Variants in MACROD2 observed in about 807,000 individuals in gnomAD.
The protein encoded by MACROD2 is mono-ADP ribosylhydrolase 2, also known as ADP-ribose glycohydrolase MACROD2.
A neutral mutation model predicts 70.4 loss-of-function variants in MACROD2; 36 were observed. That is an observed-to-expected ratio of 0.51 (90% CI 0.39 to 0.68). MACROD2 has a LOEUF of 0.68. MACROD2 is among the 30% of genes least tolerant of loss of function. The pLI is 0.00. For missense variants in MACROD2, 496 were observed against 538.4 expected, an observed-to-expected ratio of 0.92 and a Z score of 0.78; for synonymous variants, 172 against 178.8, an observed-to-expected ratio of 0.96 and a Z score of 0.30.
At chr20:14,816,431 A>C (rs1208571540) in intron 5 of MACROD2, among the ~76,000 whole-genome samples, 1 of 152,072 alleles carries the variant, frequency 6.6e-6, no homozygotes, top group Non-Finnish European at 1.5e-5. Flanking sequence ...TGAAGGTATC[A>C]GCATTAAAGA....
At chr20:14,868,154 C>T (rs1269822070) in intron 5 of MACROD2, among the ~76,000 whole-genome samples, 1 of 151,694 alleles carries the variant, frequency 6.6e-6, no homozygotes, top group Non-Finnish European at 1.5e-5. Flanking sequence ...TGAGAGGGTT[C>T]CATCTCTCTC....
chr20:14,013,356 T>G (rs2052940814), intron 2 of MACROD2, among the ~76,000 whole-genome samples: 1 of 150,078 alleles, frequency 6.7e-6, no homozygotes, highest in Admixed American at 6.7e-5. Context: ...CACTGCAAGC[T>G]CCGCCTCCCA....
chr20:14,296,718 T>C (rs2082430468), intron 3 of MACROD2, among the ~76,000 whole-genome samples: 1 of 152,014 alleles, frequency 6.6e-6, no homozygotes, highest in Non-Finnish European at 1.5e-5. Flanking sequence ...TACAAAGCAG[T>C]GTGTGCTGCA....
chr20:15,769,468 A>T (rs1009376511), intron 8 of MACROD2, among the ~76,000 whole-genome samples: 1 of 152,204 alleles, frequency 6.6e-6, no homozygotes, highest in Non-Finnish European at 1.5e-5. Context: ...TTTATTATTA[A>T]CTATTATGTA....
At chr20:16,026,722 T>A (rs924768798) in intron 15 of MACROD2, among the ~76,000 whole-genome samples, 2 of 151,774 alleles carry the variant, frequency 1.3e-5, no homozygotes, top group Non-Finnish European at 2.9e-5. Context: ...AGTCAAGGAG[T>A]TTTTTTTATT....
At chr20:15,815,710 C>T (rs1175187936) in intron 8 of MACROD2, among the ~76,000 whole-genome samples, 1 of 152,048 alleles carries the variant, frequency 6.6e-6, no homozygotes, top group African/African-American at 2.4e-5. Flanking sequence ...ATTATCTCCT[C>T]AATTATCTTT....
intron 6 of MACROD2, among the ~76,000 whole-genome samples, chr20:15,361,997 C>A (rs1353688936): frequency 6.8e-6 from 1 of 147,274 alleles, no homozygotes; most frequent in Non-Finnish European, 1.5e-5. Context: ...TAAGGACAGT[C>A]TTATTTCTTC....
At chr20:14,538,496 G>A (rs2085393455) in intron 4 of MACROD2, among the ~76,000 whole-genome samples, 1 of 152,158 alleles carries the variant, frequency 6.6e-6, no homozygotes, top group African/African-American at 2.4e-5. Context: ...ACTCTCTAAT[G>A]AGTCCTACTG....
intron 6 of MACROD2, among the ~76,000 whole-genome samples, chr20:15,236,515 T>C (rs2077015195): frequency 6.6e-6 from 1 of 152,222 alleles, no homozygotes; most frequent in Admixed American, 6.5e-5. Context: ...AACTCCCACT[T>C]GGTGCCAGGC....
rs386393390 is a variant in MACROD2, at chr20:15,050,533, C to CTTTTTTTTTTTTTTTT, written c.419-179396_419-179381dup. Among the ~76,000 whole-genome samples the CTTTTTTTTTTTTTTTT allele has an allele frequency of 1.7e-4, 13 of 77,876 alleles. 3 individuals are homozygous for CTTTTTTTTTTTTTTTT. Among genetic ancestry groups the CTTTTTTTTTTTTTTTT allele is most frequent in the African/African-American group, 5.6e-4 (9 of 16,020 alleles). 51.1% of individuals were successfully genotyped at this position (77,876 alleles called of 152,430 possible). A position where few individuals can be genotyped will look rare whatever the true frequency, so the allele number is the denominator to read the frequency against. On this transcript the variant is annotated intron_variant, in intron 5 of 17. Coordinates refer to ENST00000684519, the MANE Select transcript of MACROD2 (RefSeq NM_001351661.2). ...GTCTTTTTACACTTTCTATTTAGGTCTTTTTTTTTTTTTTTTTTTTTTTTT... is the reference window on the plus strand; with the variant it reads ...GTCTTTTTACACTTTCTATTTAGGTCTTTTTTTTTTTTTTTTTTTTTTTTTTTTTTTTTTTTTTTTT...
chr20:15,785,296 C>T (rs540135783), intron 8 of MACROD2, among the ~76,000 whole-genome samples: 52 of 152,094 alleles, frequency 3.4e-4, no homozygotes, highest in Non-Finnish European at 5.9e-4. Flanking sequence ...AAAAACACAG[C>T]AGTGGCTCTG....
rs547331641 is a variant in MACROD2 at position 15,528,233 on chromosome 20, C to G, written c.645+28386C>G. Among the ~76,000 whole-genome samples, 12 of 152,284 alleles carry G rather than the reference C, an allele frequency of 7.9e-5. No individual in the cohort carries two copies. The East Asian group carries it at 2.3e-3, about 29-fold the overall frequency. ...CACTGTAACCTCCACCTCCCGGGCTCAAACAATTCTCCTGCCTCAGCCTCC... is the reference window on the plus strand; with the variant it reads ...CACTGTAACCTCCACCTCCCGGGCTGAAACAATTCTCCTGCCTCAGCCTCC... On this transcript the variant is annotated intron_variant, in intron 8 of 17. Coordinates refer to ENST00000684519, the MANE Select transcript of MACROD2 (RefSeq NM_001351661.2).
chr20:14,170,676 T>C (rs536619534), intron 3 of MACROD2, among the ~76,000 whole-genome samples: 1 of 152,342 alleles, frequency 6.6e-6, no homozygotes, highest in South Asian at 2.1e-4. Context: ...AAACCATCCC[T>C]GCATCCCTGG....
chr20:15,547,813 T>C (rs1165887666), intron 8 of MACROD2, among the ~76,000 whole-genome samples: 1 of 152,214 alleles, frequency 6.6e-6, no homozygotes, highest in East Asian at 1.9e-4. Context: ...TGTGTTGATC[T>C]AGTGAAGTTT....
chr20:15,776,598 CT>C (rs1175722356), intron 8 of MACROD2, among the ~76,000 whole-genome samples: 5 of 152,166 alleles, frequency 3.3e-5, no homozygotes, highest in Admixed American at 3.3e-4. Context: ...AATAATTAAG[CT>C]GTTAGGCTGT....
intron 5 of MACROD2, among the ~76,000 whole-genome samples, chr20:15,056,308 A>G (rs983193161): frequency 2.0e-5 from 3 of 152,206 alleles, no homozygotes; most frequent in African/African-American, 7.2e-5. Context: ...GGGAAACCTC[A>G]GTTCAACAGC....
intron 8 of MACROD2, among the ~76,000 whole-genome samples, chr20:15,826,994 G>A (rs1298022114): frequency 6.6e-6 from 1 of 152,184 alleles, no homozygotes; most frequent in African/African-American, 2.4e-5. Context: ...ATGGAGCCCT[G>A]AATTATGGTA....
At position 14,845,177 on chromosome 20, in the gene MACROD2, T is replaced by G. The variant is rs117311469; in HGVS notation, c.418+160218T>G. Among the ~76,000 whole-genome samples the G allele has an allele frequency of 4.6e-3, 697 of 152,270 alleles. 21 individuals are homozygous for G. Among genetic ancestry groups the G allele is most frequent in the Admixed American group, 0.035 (533 of 15,280 alleles). ...TCACTTTATGATTTCTCGTATGTAA[T>G]TTAAAAAATTACATAATATCTAACC... On this transcript the variant is annotated intron_variant, in intron 5 of 17. Transcript: ENST00000684519.
chr20:14,022,275 G>A (rs6110136), intron 2 of MACROD2, among the ~76,000 whole-genome samples: 26,613 of 151,820 alleles, frequency 0.18, 2,527 homozygotes, highest in South Asian at 0.23. Flanking sequence ...TTAGAATAAA[G>A]TATTATTTCT....
Sources: allele counts gnomAD v4.1 joint callset (sites outside exome capture counted in the v4.1 genomes callset), GRCh38; gene constraint gnomAD v4.1.1; transcripts MANE v1.5; gene names NCBI Gene and HGNC (gene_info 2026-07-23, HGNC 2026-07-21).